SLC35F4: variants seen among roughly 807,000 people sequenced by gnomAD.
The protein encoded by SLC35F4 is chromosome 14 open reading frame 36.
In SLC35F4, 24 loss-of-function variants were observed where a neutral mutation model predicts 44.2. The ratio of observed to expected loss-of-function variants is 0.54; its 90% confidence interval spans 0.39 to 0.76. The LOEUF (loss-of-function observed/expected upper bound fraction) is 0.76, where lower values mean the gene tolerates loss of function less well. Ranked by LOEUF, SLC35F4 falls within the 30% of genes least tolerant of loss-of-function variation. The probability of loss-of-function intolerance (pLI) is 0.00; values close to 1 mark genes in which losing one functional copy is unlikely to be tolerated. For missense variants in SLC35F4, 562 were observed against 586.1 expected (o/e 0.96, Z 0.42); for synonymous variants, 238 against 223.6 (o/e 1.06, Z -0.57).
chr14:57,645,093 C>T (rs181205806), intron 1 of SLC35F4, among the ~76,000 whole-genome samples: 39 of 151,968 alleles, frequency 2.6e-4, no homozygotes, highest in African/African-American at 7.2e-4. Flanking sequence ...AGGATTGATT[C>T]GATGATGCAG....
At position 57,600,691 on chromosome 14, in the gene SLC35F4, C is replaced by CAA. The variant is rs67819924; in HGVS notation, c.104-6569_104-6568dup. On this transcript the variant is annotated intron_variant, in intron 1 of 7. Coordinates refer to ENST00000556826, the MANE Select transcript of SLC35F4 (RefSeq NM_001306087.2). ...TGGGCGACAGAGCAAGACTCCATCT[C>CAA]AAAAAAAAAAAAAAAAAAAAAAAAA... Among the ~76,000 whole-genome samples the CAA allele has an allele frequency of 3.1e-3, 169 of 55,322 alleles. 7 individuals carry two copies. Among genetic ancestry groups the CAA allele is most frequent in the African/African-American group, 9.1e-3 (117 of 12,908 alleles). The allele number at this position is 55,322 out of a possible 152,430, so 36.3% of individuals were successfully genotyped here. A position where few individuals can be genotyped will look rare whatever the true frequency, so the allele number is the denominator to read the frequency against.
Position 57,594,053 on chromosome 14 carries a change from T to C in SLC35F4, c.175A>G (p.Arg59Gly), listed in dbSNP as rs991128904. ...GTGACAGACAGTGGGGACAGTTGTC[T>C]ACTGATGCCACTGTGTGAACTGGGG... ...NCPSSHSGIS[R>G]QLSPLSVTED... is the part of the protein sequence containing the mutation. The change falls in exon 2 of 8, where the codon AGA becomes GGA. Residue 59 changes from arginine (R) to glycine (G), a missense_variant. Arg to Gly is a moderately radical substitution (Grantham distance 125). Coordinates refer to ENST00000556826, the MANE Select transcript of SLC35F4 (RefSeq NM_001306087.2). 6.8e-6 allele frequency: 11 copies of C among 1,613,934 alleles called. No homozygotes were observed. The highest frequency in any genetic ancestry group is 9.3e-6 in the Non-Finnish European group (11 of 1,179,868).
intron 1 of SLC35F4, among the ~76,000 whole-genome samples, chr14:57,785,611 G>A (rs904024949): frequency 6.6e-6 from 1 of 152,168 alleles, no homozygotes; most frequent in Non-Finnish European, 1.5e-5. Context: ...AACTGCAGAA[G>A]TGGGGAAGGG....
At chr14:57,576,812 C>T (rs1412479330) in intron 4 of SLC35F4, among the ~76,000 whole-genome samples, 2 of 152,018 alleles carry the variant, frequency 1.3e-5, no homozygotes, top group Non-Finnish European at 2.9e-5. Flanking sequence ...CAGAGGGAGA[C>T]CTGGATGTCA....
intron 1 of SLC35F4, among the ~76,000 whole-genome samples, chr14:57,848,483 A>G (rs1476120033): frequency 6.6e-6 from 1 of 152,190 alleles, no homozygotes; most frequent in African/African-American, 2.4e-5. Flanking sequence ...AAAGCCTTCT[A>G]TGAGCCAAGG....
chr14:57,616,897 C>A, intron 1 of SLC35F4, among the ~76,000 whole-genome samples: 1 of 152,052 alleles, frequency 6.6e-6, no homozygotes, highest in African/African-American at 2.4e-5. Context: ...ACCTTAGCCC[C>A]TCTTCTTCCT....
chr14:57,836,344 G>A (rs888792206), intron 1 of SLC35F4, among the ~76,000 whole-genome samples: 9 of 152,168 alleles, frequency 5.9e-5, no homozygotes, highest in Non-Finnish European at 1.3e-4. Flanking sequence ...CCAGGCTGGA[G>A]TGCAGTGGCG....
At chr14:57,795,203 A>G (rs993382050) in intron 1 of SLC35F4, among the ~76,000 whole-genome samples, 3 of 152,188 alleles carry the variant, frequency 2.0e-5, no homozygotes, top group Admixed American at 6.6e-5. Context: ...GTCAGTTTGT[A>G]TATACAGACA....
chr14:57,863,515 T>C (rs1887856197), intron 1 of SLC35F4, among the ~76,000 whole-genome samples: 1 of 152,234 alleles, frequency 6.6e-6, no homozygotes, highest in Admixed American at 6.5e-5. Flanking sequence ...ATATTATATA[T>C]TCATCACTGT....
rs2069246026 is a variant in SLC35F4, at chr14:57,581,416, A to T, written c.605T>A (p.Phe202Tyr). The change falls in exon 4 of 8, where the codon TTT (phenylalanine) becomes TAT (tyrosine). Residue 202 changes from phenylalanine (F) to tyrosine (Y), a missense_variant. Coordinates refer to ENST00000556826, the MANE Select transcript of SLC35F4 (RefSeq NM_001306087.2). Reference sequence around the variant, plus strand: ...TTTCAGCGTCAGACCATCTTCACCAAAAATCCGACTGCATTCCCTAGGAAA... The same window carrying T: ...TTTCAGCGTCAGACCATCTTCACCATAAATCCGACTGCATTCCCTAGGAAA... Reference protein sequence around the residue: ...MKKFRECSRIFGEDGLTLKLF... With the variant: ...MKKFRECSRIYGEDGLTLKLF... 1 of 1,610,786 alleles carries T rather than the reference A, an allele frequency of 6.2e-7. No individual in the cohort carries two copies. Among genetic ancestry groups the T allele is most frequent in the African/African-American group, 1.3e-5 (1 of 74,898 alleles).
chr14:57,698,796 T>C (rs550155602), intron 1 of SLC35F4, among the ~76,000 whole-genome samples: 1 of 152,140 alleles, frequency 6.6e-6, no homozygotes, highest in South Asian at 2.1e-4. Context: ...TGACTAATTT[T>C]TGTATTTTTA....
chr14:57,947,728 A>C (rs899526825), intron 1 of SLC35F4, among the ~76,000 whole-genome samples: 5 of 152,088 alleles, frequency 3.3e-5, no homozygotes, highest in Non-Finnish European at 7.4e-5. Flanking sequence ...GAGGGTTTTT[A>C]ATCATAAAGG....
chr14:57,593,513 A>G (rs1470954784), intron 2 of SLC35F4, among the ~76,000 whole-genome samples: 1 of 152,228 alleles, frequency 6.6e-6, no homozygotes, highest in Admixed American at 6.5e-5. Flanking sequence ...AAAGGGCTCC[A>G]GGGACTAACA....
chr14:57,743,052 C>G (rs2076656786), intron 1 of SLC35F4, among the ~76,000 whole-genome samples: 1 of 152,176 alleles, frequency 6.6e-6, no homozygotes, highest in Non-Finnish European at 1.5e-5. Flanking sequence ...ATACCAGAAT[C>G]TCTGGGACAC....
chr14:57,832,745 G>A (rs1304523925), intron 1 of SLC35F4, among the ~76,000 whole-genome samples: 2 of 146,710 alleles, frequency 1.4e-5, no homozygotes, highest in African/African-American at 5.3e-5. Flanking sequence ...AGGGAAAAGA[G>A]AACACAAATT....
At chr14:57,642,694 G>C (rs1245649739) in intron 1 of SLC35F4, among the ~76,000 whole-genome samples, 1 of 151,768 alleles carries the variant, frequency 6.6e-6, no homozygotes. Context: ...TACAGATATG[G>C]TATATAGGGC....
rs191285556 is a variant in SLC35F4, at chr14:57,604,272, T to C, written c.104-10148A>G. On this transcript the variant is annotated intron_variant, in intron 1 of 7. Transcript: ENST00000556826. ...TTGATGGTTCTGAAATAATTCAGTT[T>C]AACCCGAGAAAACAAAAAGAAATTT... 1.4e-3 allele frequency: 211 copies of C among 152,316 alleles called. 1 individual carries two copies. Among genetic ancestry groups the C allele is most frequent in the African/African-American group, 4.8e-3 (200 of 41,564 alleles). The allele number at this position is 152,316 out of a possible 1,614,324, so 9.4% of individuals were successfully genotyped here. A position where few individuals can be genotyped will look rare whatever the true frequency, so the allele number is the denominator to read the frequency against.
rs180830681 is a variant in SLC35F4 at position 57,848,197 on chromosome 14, C to G, written c.103+17526G>C. ...TATAAATAAGGCTAAAATCAGCAGTCTTGTGTAAGCCTGTTTAAGGAACAT... is the reference window on the plus strand; with the variant it reads ...TATAAATAAGGCTAAAATCAGCAGTGTTGTGTAAGCCTGTTTAAGGAACAT... On this transcript the variant is annotated intron_variant, in intron 1 of 7. Transcript: ENST00000556826. Among the ~76,000 whole-genome samples the G allele has an allele frequency of 4.6e-5, 7 of 152,280 alleles. No individual in the cohort carries two copies. The East Asian group carries it at 1.4e-3, about 29-fold the overall frequency.
intron 1 of SLC35F4, chr14:57,630,830 A>C (rs1361508862): frequency 4.2e-6 from 3 of 717,490 alleles, no homozygotes; most frequent in Non-Finnish European, 5.4e-6. Flanking sequence ...AATGATCATA[A>C]TCAAAATGAT....
Sources: allele counts gnomAD v4.1 joint callset (sites outside exome capture counted in the v4.1 genomes callset), GRCh38; gene constraint gnomAD v4.1.1; transcripts MANE v1.5; gene names NCBI Gene and HGNC (gene_info 2026-07-23, HGNC 2026-07-21).